KNTC1: variants seen among roughly 807,000 people sequenced by gnomAD.
The protein encoded by KNTC1 is kinetochore associated 1.
In KNTC1, 253 loss-of-function variants were observed where a neutral mutation model predicts 314.4. That is an observed-to-expected ratio of 0.80 (90% CI 0.73 to 0.89). The LOEUF (loss-of-function observed/expected upper bound fraction) is 0.89, where lower values mean the gene tolerates loss of function less well. KNTC1 is among the 40% of genes least tolerant of loss of function. The pLI, the probability that KNTC1 is intolerant of heterozygous loss-of-function variation, is 0.00. For missense variants in KNTC1, 2,475 were observed against 2,572.9 expected, an observed-to-expected ratio of 0.96 and a Z score of 0.82; for synonymous variants, 901 against 901.4, an observed-to-expected ratio of 1.00 and a Z score of 0.01.
intron 56 of KNTC1, among the ~76,000 whole-genome samples, 155 bp from the exon 57 acceptor site, chr12:122,615,315 G>A (rs2138170123): frequency 6.6e-6 from 1 of 152,222 alleles, no homozygotes; most frequent in South Asian, 2.1e-4. Flanking sequence ...AGCCTTTTTT[G>A]ATATTTATGA....
chr12:122,583,537 A>T (rs117271567), intron 34 of KNTC1, among the ~76,000 whole-genome samples: 1 of 152,292 alleles, frequency 6.6e-6, no homozygotes, highest in Non-Finnish European at 1.5e-5. Context: ...TTTGAAAAAC[A>T]GGCTGGGGCC....
intron 40 of KNTC1, among the ~76,000 whole-genome samples, chr12:122,590,251 T>C (rs1267281868): frequency 6.6e-6 from 1 of 152,128 alleles, no homozygotes; most frequent in Non-Finnish European, 1.5e-5. Context: ...TTTTTGTATT[T>C]AGGATTTAGT....
intron 59 of KNTC1, among the ~76,000 whole-genome samples, chr12:122,619,453 C>T (rs748602907): frequency 6.6e-5 from 10 of 151,796 alleles, no homozygotes; most frequent in Non-Finnish European, 1.5e-4. Context: ...TGCTCTGTCA[C>T]CCAGGCTGGA....
At chr12:122,581,450 C>T (rs943453679) in intron 33 of KNTC1, among the ~76,000 whole-genome samples, 1 of 151,810 alleles carries the variant, frequency 6.6e-6, no homozygotes, top group South Asian at 2.1e-4. Flanking sequence ...CCGCCCACCT[C>T]GGCCTCCCAA....
intron 20 of KNTC1, among the ~76,000 whole-genome samples, chr12:122,565,944 G>A (rs1019329827): frequency 2.8e-5 from 4 of 145,450 alleles, no homozygotes; most frequent in Non-Finnish European, 4.5e-5. Context: ...TTCTTTCTAC[G>A]TTTCAATCTT....
At position 122,596,662 on chromosome 12, in the gene KNTC1, G is replaced by A. The variant is rs186451071; in HGVS notation, c.4356-1069G>A. 7.8e-4 allele frequency among the ~76,000 whole-genome samples: 118 copies of A among 152,116 alleles called. 1 individual carries two copies. The highest frequency in any genetic ancestry group is 6.6e-3 in the Admixed American group (101 of 15,276). On this transcript the variant is annotated intron_variant, in intron 43 of 63. Transcript: ENST00000333479. ...TGGAGACCAGCCTTGGTGACATAGT[G>A]AGAGCCCCATCTCTACAAAGGTAAA...
chr12:122,624,200 C>A (rs997102011), intron 62 of KNTC1, among the ~76,000 whole-genome samples: 1 of 152,160 alleles, frequency 6.6e-6, no homozygotes, highest in African/African-American at 2.4e-5. Context: ...TTATTTCTTC[C>A]CAAATAAAAC....
chr12:122,615,960 A>G (rs1211093125), intron 57 of KNTC1, among the ~76,000 whole-genome samples: 2 of 151,908 alleles, frequency 1.3e-5, no homozygotes, highest in Non-Finnish European at 2.9e-5. Context: ...TTTTGGCTCC[A>G]CTCTGACTTT....
At position 122,542,219 on chromosome 12, in the gene KNTC1, G is replaced by C. The variant is rs558786321; in HGVS notation, c.523+92G>C. The C allele has an allele frequency of 4.0e-4, 339 of 847,788 alleles. 1 individual carries two copies. Among genetic ancestry groups the C allele is most frequent in the Non-Finnish European group, 5.2e-4 (301 of 578,788 alleles). The allele number at this position is 847,788 out of a possible 1,614,324, so 52.5% of individuals were successfully genotyped here. On this transcript the variant is annotated intron_variant, in intron 6 of 63. Coordinates refer to ENST00000333479, the MANE Select transcript of KNTC1 (RefSeq NM_014708.6). ...GTAAAATTTTAAGTACTCTCTTTAA[G>C]CTTATTTTATCTTACTTGTATTTAG...
chr12:122,562,878 G>A (rs1018348751), intron 20 of KNTC1, among the ~76,000 whole-genome samples, 179 bp downstream of exon 20: 4 of 151,900 alleles, frequency 2.6e-5, no homozygotes, highest in Non-Finnish European at 4.4e-5. Flanking sequence ...GCGTGGTGGC[G>A]TGCATCTGTA....
At chr12:122,553,658 C>T (rs1313009345) in intron 16 of KNTC1, among the ~76,000 whole-genome samples, 1 of 151,982 alleles carries the variant, frequency 6.6e-6, no homozygotes, top group East Asian at 1.9e-4. Flanking sequence ...TCAGATGACT[C>T]CAGCAAATGC....
intron 20 of KNTC1, among the ~76,000 whole-genome samples, chr12:122,566,321 C>T (rs113685568): frequency 0.051 from 7,752 of 151,336 alleles, 637 homozygotes; most frequent in African/African-American, 0.18. Context: ...GATCTTGACT[C>T]TGGCTCACTG....
rs186442070 is a variant in KNTC1, at chr12:122,617,459, A to T, written c.6031-884A>T. ...GCTGGTCTTAGAACTCCTGAGCTGA[A>T]ACAATCCTCCTGCCTTGGCCTCCCA... On this transcript the variant is annotated intron_variant, in intron 57 of 63. Transcript: ENST00000333479. 8.5e-4 allele frequency: 374 copies of T among 439,454 alleles called. 1 individual carries two copies. Among genetic ancestry groups the T allele is most frequent in the Non-Finnish European group, 1.4e-3 (304 of 218,308 alleles). The allele number at this position is 439,454 out of a possible 1,614,324, so 27.2% of individuals were successfully genotyped here. A position where few individuals can be genotyped will look rare whatever the true frequency, so the allele number is the denominator to read the frequency against.
chr12:122,600,265 A>C (rs1034176723), intron 44 of KNTC1, among the ~76,000 whole-genome samples: 3 of 152,004 alleles, frequency 2.0e-5, no homozygotes, highest in African/African-American at 4.8e-5. Context: ...ATGCCGGCTA[A>C]TTTTTGTATT....
chr12:122,624,438 T>A (rs1460010530), intron 62 of KNTC1, among the ~76,000 whole-genome samples, 160 bp from the exon 63 acceptor site: 1 of 152,112 alleles, frequency 6.6e-6, no homozygotes, highest in Non-Finnish European at 1.5e-5. Flanking sequence ...CTGGCTAATT[T>A]TATATTTTTT....
At chr12:122,574,214 C>T in intron 26 of KNTC1, 68 bp from the exon 27 acceptor site, 1 of 827,074 alleles carries the variant, frequency 1.2e-6, no homozygotes, top group Non-Finnish European at 2.0e-6. Context: ...CTGTATCTAG[C>T]TGTATGTGGC....
intron 42 of KNTC1, chr12:122,593,281 T>TC (rs1445081481): frequency 6.4e-6 from 1 of 157,112 alleles, no homozygotes; most frequent in African/African-American, 2.4e-5. Context: ...TTTTTTTTTT[T>TC]TGAGACAGAG....
chr12:122,577,223 T>G (rs115809621), intron 30 of KNTC1, among the ~76,000 whole-genome samples, 194 bp downstream of exon 30: 254 of 152,344 alleles, frequency 1.7e-3, no homozygotes, highest in African/African-American at 5.8e-3. Context: ...GTGCTGAGAT[T>G]ACTGGTGTGA....
chr12:122,575,811 T>TA lies in KNTC1; in HGVS notation c.2499dup (p.Gln834ThrfsTer33). 4 of 1,612,748 alleles carry TA rather than the reference T, an allele frequency of 2.5e-6. No homozygotes were observed. The highest frequency in any genetic ancestry group is 3.4e-6 in the Non-Finnish European group (4 of 1,179,430). On this transcript the variant is annotated frameshift_variant, in exon 29 of 64. Coordinates refer to ENST00000333479, the MANE Select transcript of KNTC1 (RefSeq NM_014708.6). LOFTEE classifies it high-confidence loss of function. ...AAATTTGCTTTCAGAGTCAAGTTAT[T>TA]ACAGGAAAGTTACAAACTAATGGAG...
Sources: gnomAD v4.1 joint callset for allele counts (sites outside exome capture counted in the v4.1 genomes callset) on GRCh38, gnomAD v4.1.1 for gene constraint, MANE v1.5 for transcripts, NCBI Gene and HGNC (gene_info 2026-07-23, HGNC 2026-07-21) for gene names.